SRGAP3: variants seen among roughly 807,000 people sequenced by gnomAD.
SRGAP3 encodes the protein SLIT-ROBO Rho GTPase activating protein 3.
A neutral mutation model predicts 121.1 loss-of-function variants in SRGAP3; 39 were observed. That is an observed-to-expected ratio of 0.32 (90% CI 0.25 to 0.42). The LOEUF is 0.42. Among genes scored for constraint, SRGAP3 ranks in the 10% least tolerant of loss-of-function variants. The pLI is 1.00. For missense variants in SRGAP3, 1,213 were observed against 1,470.6 expected, an observed-to-expected ratio of 0.82 and a Z score of 2.86; for synonymous variants, 601 against 570.0, an observed-to-expected ratio of 1.05 and a Z score of -0.77.
intron 5 of SRGAP3, among the ~76,000 whole-genome samples, chr3:9,060,955 T>C (rs1249985899): frequency 6.6e-6 from 1 of 152,128 alleles, no homozygotes; most frequent in Non-Finnish European, 1.5e-5. Context: ...ATAAGATCCC[T>C]GGCCAGGAGC....
intron 18 of SRGAP3, among the ~76,000 whole-genome samples, chr3:9,000,080 C>T (rs1170573203): frequency 6.6e-6 from 1 of 152,196 alleles, no homozygotes; most frequent in Non-Finnish European, 1.5e-5. Context: ...TGACTGCAGT[C>T]AAGCACACAG....
chr3:9,019,735 G>T (rs1331676695), intron 14 of SRGAP3, among the ~76,000 whole-genome samples: 8 of 152,194 alleles, frequency 5.3e-5, no homozygotes, highest in African/African-American at 1.7e-4. Context: ...CTGCCTTCCT[G>T]CACCAAGGCT....
intron 3 of SRGAP3, among the ~76,000 whole-genome samples, chr3:9,261,931 C>A (rs2203125): frequency 0.64 from 95,671 of 149,652 alleles, 31,407 homozygotes; most frequent in Non-Finnish European, 0.72. Context: ...GGTTGAAATG[C>A]AGGAAAAAAT....
chr3:9,051,017 C>CTTTTT (rs71049766), intron 9 of SRGAP3, among the ~76,000 whole-genome samples: 20 of 81,860 alleles, frequency 2.4e-4, no homozygotes, highest in South Asian at 6.8e-4. Context: ...AGCCTCATTG[C>CTTTTT]TTTTTTTTTT....
intron 3 of SRGAP3, among the ~76,000 whole-genome samples, chr3:9,280,422 A>G (rs932045136): frequency 1.3e-5 from 2 of 152,178 alleles, no homozygotes; most frequent in Non-Finnish European, 2.9e-5. Flanking sequence ...TCTCTTTGCA[A>G]ACTTCTGTCC....
intron 1 of SRGAP3, among the ~76,000 whole-genome samples, chr3:9,151,937 C>G (rs1046176796): frequency 1.2e-4 from 19 of 152,204 alleles, no homozygotes; most frequent in Admixed American, 1.2e-3. Context: ...AAGGATAGAA[C>G]CGGGTTCCTG....
intron 1 of SRGAP3, among the ~76,000 whole-genome samples, chr3:9,181,677 T>C (rs186527722): frequency 2.0e-5 from 3 of 152,296 alleles, no homozygotes; most frequent in East Asian, 3.9e-4. Context: ...CCTTCTGATT[T>C]TCCCTTCTGG....
chr3:9,193,830 C>A (rs1349658535), intron 1 of SRGAP3: 1 of 152,342 alleles, frequency 6.6e-6, no homozygotes, highest in Non-Finnish European at 1.5e-5. Flanking sequence ...GTCACCAAGC[C>A]TAAGGGCAAA....
chr3:9,286,045 A>G (rs979978989), intron 3 of SRGAP3, among the ~76,000 whole-genome samples: 6 of 150,636 alleles, frequency 4.0e-5, no homozygotes, highest in African/African-American at 1.5e-4. Context: ...CTGGGAGATC[A>G]TGGCTGCAGT....
At chr3:9,031,576 G>T (rs1289099014) in intron 12 of SRGAP3, among the ~76,000 whole-genome samples, 2 of 152,144 alleles carry the variant, frequency 1.3e-5, no homozygotes, top group African/African-American at 4.8e-5. Flanking sequence ...CCCACAGGCA[G>T]AGACAGTCCT....
chr3:9,323,714 C>A (rs552107087), intron 3 of SRGAP3, among the ~76,000 whole-genome samples: 2 of 151,458 alleles, frequency 1.3e-5, no homozygotes, highest in East Asian at 1.9e-4. Context: ...AAAGTAATGA[C>A]CAGTTCTGGT....
intron 4 of SRGAP3, among the ~76,000 whole-genome samples, chr3:9,077,879 C>G (rs1041861773): frequency 1.3e-5 from 2 of 152,202 alleles, no homozygotes; most frequent in Non-Finnish European, 2.9e-5. Context: ...GTGAAACTGA[C>G]AAGTGAAGGG....
At chr3:9,267,231 AGAAAG>A in intron 3 of SRGAP3, among the ~76,000 whole-genome samples, 1 of 152,316 alleles carries the variant, frequency 6.6e-6, no homozygotes, top group Non-Finnish European at 1.5e-5. Flanking sequence ...ATGATGACTG[AGAAAG>A]ATATAGCTCC....
At chr3:9,056,419 C>T in intron 7 of SRGAP3, 85 bp from the exon 8 acceptor site, 1 of 1,389,626 alleles carries the variant, frequency 7.2e-7, no homozygotes, top group Non-Finnish European at 1.0e-6. Flanking sequence ...CATTAACATC[C>T]CAATCACAGT....
At chr3:9,300,141 C>T (rs978325447) in intron 3 of SRGAP3, among the ~76,000 whole-genome samples, 3 of 132,646 alleles carry the variant, frequency 2.3e-5, no homozygotes, top group African/African-American at 2.8e-5. Context: ...TATGTGTTAG[C>T]CACCATCGTC....
intron 3 of SRGAP3, among the ~76,000 whole-genome samples, chr3:9,301,465 A>G (rs1955052985): frequency 6.6e-6 from 1 of 152,204 alleles, no homozygotes; most frequent in Admixed American, 6.5e-5. Flanking sequence ...GTGTCAGTCA[A>G]AGCACTTTGC....
At chr3:9,236,094 A>G (rs1953399602) in intron 1 of SRGAP3, 2 of 164,500 alleles carry the variant, frequency 1.2e-5, no homozygotes, top group South Asian at 4.1e-4. Flanking sequence ...CCTACTCAGG[A>G]TTTTAGCCAC....
intron 11 of SRGAP3, chr3:9,037,283 A>C (rs1342091910): frequency 6.6e-6 from 1 of 152,158 alleles, no homozygotes; most frequent in African/African-American, 2.4e-5. Flanking sequence ...AGGCAGTGCA[A>C]TATCTCTTAA....
chr3:9,024,251 G>A (rs1559938600), intron 14 of SRGAP3, among the ~76,000 whole-genome samples: 1 of 152,168 alleles, frequency 6.6e-6, no homozygotes, highest in Non-Finnish European at 1.5e-5. Flanking sequence ...CATGGACTAT[G>A]GAGACATGAC....
Sources: gnomAD v4.1 joint callset for allele counts (sites outside exome capture counted in the v4.1 genomes callset) on GRCh38, gnomAD v4.1.1 for gene constraint, MANE v1.5 for transcripts, NCBI Gene and HGNC (gene_info 2026-07-23, HGNC 2026-07-21) for gene names.